STK32C: variants seen among roughly 807,000 people sequenced by gnomAD.
The protein encoded by STK32C is serine/threonine-protein kinase 32C.
STK32C carries 31 observed loss-of-function variants against 56.5 expected under a neutral mutation model. The ratio of observed to expected loss-of-function variants is 0.55; its 90% CI spans 0.41 to 0.74. The LOEUF is 0.74. Among genes scored for constraint, STK32C ranks in the 30% least tolerant of loss-of-function variants. The pLI, the probability that STK32C is intolerant of heterozygous loss-of-function variation, is 0.00. For synonymous variants in STK32C, 309 were observed against 289.4 expected, an observed-to-expected ratio of 1.07 and a Z score of -0.69; for missense variants, 544 against 676.9, an observed-to-expected ratio of 0.80 and a Z score of 2.18.
intron 10 of STK32C, among the ~76,000 whole-genome samples, chr10:132,213,027 G>A (rs1438902917): frequency 1.3e-5 from 2 of 152,208 alleles, no homozygotes; most frequent in Non-Finnish European, 1.5e-5. Context: ...GGCCCCCAAC[G>A]TTTTGTGGGT....
intron 10 of STK32C, among the ~76,000 whole-genome samples, chr10:132,217,828 C>T (rs149609236): frequency 6.3e-4 from 96 of 152,250 alleles, no homozygotes; most frequent in African/African-American, 2.2e-3. Flanking sequence ...TGAGGCCTCC[C>T]CAGCCATGTG....
chr10:132,307,572 C>A lies in STK32C; in HGVS notation c.262G>T (p.Val88Leu). 6.5e-7 allele frequency: 1 copy of A among 1,539,604 alleles called. No homozygotes were observed. The highest frequency in any genetic ancestry group is 1.9e-5 in the Admixed American group (1 of 52,044). The change falls in exon 1 of 12, where the codon GTG becomes TTG. Residue 88 changes from valine to leucine, a missense_variant and splice_region_variant. Transcript: ENST00000298630. The surrounding 1 kb of genome is among the most constrained non-coding windows in gnomAD (Gnocchi z 4.4). ...RRPVFDDKED[V>L]NFDHFQILRA... is the part of the protein sequence containing the mutation. ...ACGTCGTCCCCGTGCCCGCACTCACCGTCCTCCTTGTCGTCAAACACCGGC... is the reference window on the plus strand; with the variant it reads ...ACGTCGTCCCCGTGCCCGCACTCACAGTCCTCCTTGTCGTCAAACACCGGC...
intron 10 of STK32C, among the ~76,000 whole-genome samples, chr10:132,209,646 C>T (rs1432000648): frequency 6.6e-6 from 1 of 151,544 alleles, no homozygotes; most frequent in Non-Finnish European, 1.5e-5. Context: ...GGCAGCAGGA[C>T]CACTTCCCAG....
chr10:132,259,610 G>A (rs1450106340), intron 1 of STK32C, among the ~76,000 whole-genome samples: 5 of 152,194 alleles, frequency 3.3e-5, no homozygotes, highest in Non-Finnish European at 5.9e-5. Flanking sequence ...CCATGAGAAC[G>A]TGCTGGCCTC....
At chr10:132,280,924 G>A (rs1422813020) in intron 1 of STK32C, among the ~76,000 whole-genome samples, 7 of 146,074 alleles carry the variant, frequency 4.8e-5, no homozygotes, top group Non-Finnish European at 9.0e-5. Flanking sequence ...CCATGCCCCT[G>A]CACTCCATGA....
rs545038961 is a variant in STK32C, at chr10:132,224,494, G to A, written c.906C>T (p.Ala302=). 3.6e-5 allele frequency: 58 copies of A among 1,589,324 alleles called. No individual in the cohort carries two copies. The highest frequency in any genetic ancestry group is 3.0e-4 in the South Asian group (26 of 86,846). Residue 302 remains alanine, a synonymous_variant, in exon 8 of 12, where the codon GCC becomes GCT. Transcript: ENST00000298630. ...WRPYDIHSSN[A]VESLVQLFST... ...TGAACAGCTGCACCAGGGACTCCAC[G>A]GCGTTGCTGGAGTGGATGTCATAGG...
chr10:132,259,408 C>T (rs778387255), intron 1 of STK32C, among the ~76,000 whole-genome samples: 1 of 151,618 alleles, frequency 6.6e-6, no homozygotes, highest in Non-Finnish European at 1.5e-5. Context: ...GTCAACGGGG[C>T]GGAGATCCCC....
chr10:132,221,441 C>T (rs897353624), intron 10 of STK32C, among the ~76,000 whole-genome samples: 1 of 145,530 alleles, frequency 6.9e-6, no homozygotes, highest in Non-Finnish European at 1.5e-5. Context: ...CGTGGCCATC[C>T]CTGCACACAC....
Position 132,331,698 on chromosome 10 carries a change from C to G in STK32C, c.39G>C (p.Ala13=), listed in dbSNP as rs912835029. Residue 13 remains alanine (A), a synonymous_variant, in exon 1 of 2, where the codon GCG becomes GCC. Transcript: ENST00000368619. ...TCGGCTGTCCTCGAGCAGCCCCGCCCGCCCCGGGCCCTCCGGCTCCCCAGA... is the reference window on the plus strand; with the variant it reads ...TCGGCTGTCCTCGAGCAGCCCCGCCGGCCCCGGGCCCTCCGGCTCCCCAGA... The G allele has an allele frequency of 1.9e-6, 3 of 1,612,660 alleles. No individual in the cohort carries two copies. In the Admixed American group the frequency reaches 5.0e-5, roughly 27 times the overall value.
At chr10:132,246,982 T>C (rs1340954978) in intron 1 of STK32C, among the ~76,000 whole-genome samples, 1 of 152,218 alleles carries the variant, frequency 6.6e-6, no homozygotes, top group Non-Finnish European at 1.5e-5. Context: ...CGCTGGTTCA[T>C]GACATTTCAC....
chr10:132,297,818 GCCTGGT>G (rs1367124958), intron 1 of STK32C, among the ~76,000 whole-genome samples: 1 of 152,208 alleles, frequency 6.6e-6, no homozygotes, highest in Non-Finnish European at 1.5e-5. Flanking sequence ...GTGCACACCC[GCCTGGT>G]CTCTGGGGCT....
At chr10:132,231,831 A>G (rs2063111024) in intron 2 of STK32C, among the ~76,000 whole-genome samples, 2 of 152,224 alleles carry the variant, frequency 1.3e-5, no homozygotes, top group African/African-American at 4.8e-5. Flanking sequence ...CGGCAAGCTG[A>G]GGACACCACG....
At chr10:132,291,147 A>G (rs2065551260) in intron 1 of STK32C, among the ~76,000 whole-genome samples, 1 of 152,200 alleles carries the variant, frequency 6.6e-6, no homozygotes, top group African/African-American at 2.4e-5. Context: ...AATTAATGGA[A>G]ATTTTCTGAA....
chr10:132,289,274 G>T (rs745617605), intron 1 of STK32C, among the ~76,000 whole-genome samples: 86 of 152,138 alleles, frequency 5.7e-4, no homozygotes, highest in Non-Finnish European at 1.1e-3. Flanking sequence ...AATTTTAAAT[G>T]TATCTTAGAC....
rs562411704 is a variant in STK32C at position 132,307,319 on chromosome 10, G to C, written c.262+253C>G. The C allele has an allele frequency of 1.4e-3, 456 of 335,686 alleles. No individual in the cohort carries two copies. The highest frequency in any genetic ancestry group is 7.0e-3 in the African/African-American group (320 of 45,842). The allele number at this position is 335,686 out of a possible 1,614,324, so 20.8% of individuals were successfully genotyped here. ...GCAAGCCCGGAGACGCCACAGCCGC[G>C]GGGGACCCTCGCCCCGAGGGCCCGG... On this transcript the variant is annotated intron_variant, in intron 1 of 11. Transcript: ENST00000298630. The surrounding 1 kb of genome is among the most constrained non-coding windows in gnomAD (Gnocchi z 4.4).
chr10:132,226,744 T>C (rs543386955), intron 4 of STK32C, 51 bp downstream of exon 4: 157 of 1,591,076 alleles, frequency 9.9e-5, no homozygotes, highest in Non-Finnish European at 1.2e-4. Flanking sequence ...CTAAGGCTGC[T>C]TCAGCCCCGC....
In STK32C at chr10:132,271,461, G is replaced by A. The variant is rs554585754; in HGVS notation, c.263-25506C>T. Among the ~76,000 whole-genome samples, 26 of 152,272 alleles carry A rather than the reference G, an allele frequency of 1.7e-4. No individual in the cohort carries two copies. In the South Asian group the frequency reaches 5.2e-3, roughly 30 times the overall value. On this transcript the variant is annotated intron_variant, in intron 1 of 11. Transcript: ENST00000298630. ...CAGTGTGGGCCCGTGCTGTGCCCAC[G>A]CCCTGCCTCACTGGGCACCTGAGGC...
intron 1 of STK32C, among the ~76,000 whole-genome samples, chr10:132,246,295 C>G (rs1287139017): frequency 6.6e-6 from 1 of 152,268 alleles, no homozygotes; most frequent in Non-Finnish European, 1.5e-5. Flanking sequence ...CAGCCACCCC[C>G]ACTGAAAGCT....
chr10:132,268,574 C>G (rs2064688796), intron 1 of STK32C, among the ~76,000 whole-genome samples: 1 of 130,670 alleles, frequency 7.7e-6, no homozygotes, highest in African/African-American at 3.1e-5. Context: ...TGCGTGTGTA[C>G]ATGCATGTGT....
Sources: gnomAD v4.1 joint callset for allele counts (sites outside exome capture counted in the v4.1 genomes callset) on GRCh38, gnomAD v4.1.1 for gene constraint, Gnocchi (gnomAD v3.1) non-coding constraint, MANE v1.5 for transcripts, NCBI Gene and HGNC (gene_info 2026-07-23, HGNC 2026-07-21) for gene names.